The following RGS12 variants were observed in gnomAD, a reference collection of about 807,000 sequenced individuals.
RGS12 encodes regulator of G protein signaling 12.
RGS12 carries 66 observed loss-of-function variants against 120.1 expected under a neutral mutation model. The observed-to-expected ratio is 0.55, with a 90% CI of 0.45 to 0.67. The LOEUF is 0.67. RGS12 is among the 30% of genes least tolerant of loss of function. The pLI, the probability that RGS12 is intolerant of heterozygous loss-of-function variation, is 0.00. For synonymous variants in RGS12, 827 were observed against 804.7 expected (o/e 1.03, Z -0.47); for missense variants, 1,859 against 1,957.7 (o/e 0.95, Z 0.95).
chr4:3,364,565 C>T (rs1032382265), intron 3 of RGS12, among the ~76,000 whole-genome samples: 3 of 151,964 alleles, frequency 2.0e-5, no homozygotes, highest in Admixed American at 6.6e-5. Context: ...TCGTGGCCCC[C>T]GGAAACGAGG....
At chr4:3,323,092 T>A (rs969148071) in intron 2 of RGS12, among the ~76,000 whole-genome samples, 12 of 152,194 alleles carry the variant, frequency 7.9e-5, no homozygotes, top group African/African-American at 2.7e-4. Context: ...CTCAAGCCCG[T>A]GAGCAGCGCA....
intron 1 of RGS12, among the ~76,000 whole-genome samples, chr4:3,304,081 A>G (rs1448120582): frequency 1.3e-5 from 2 of 152,234 alleles, no homozygotes; most frequent in Non-Finnish European, 2.9e-5. Flanking sequence ...CATTTGCTCC[A>G]TGAGGCCGGA....
chr4:3,315,126 C>T (rs1023294928), intron 1 of RGS12, among the ~76,000 whole-genome samples: 2 of 152,166 alleles, frequency 1.3e-5, no homozygotes, highest in African/African-American at 4.8e-5. Flanking sequence ...GAGTTAAGTG[C>T]GTCCTGCGTG....
Position 3,374,969 on chromosome 4 carries a change from G to C in RGS12, c.1999-11447G>C, listed in dbSNP as rs1009585835. Among the ~76,000 whole-genome samples, 1 of 152,244 alleles carries C rather than the reference G, an allele frequency of 6.6e-6. No individual in the cohort carries two copies. The highest frequency in any genetic ancestry group is 2.4e-5 in the African/African-American group (1 of 41,458). ...GCCACGTCATGGGGGCTCAGCAGAT[G>C]CTTTGCCAAGTGAGTGGGAGCGTTC... On this transcript the variant is annotated intron_variant, in intron 3 of 17. Transcript: ENST00000336727. This position sits in a 1 kb window ranked among gnomAD's most constrained non-coding sequence, Gnocchi z 6.3.
At chr4:3,288,072 C>T (rs1388152603), upstream of RGS12, among the ~76,000 whole-genome samples, 3 of 152,250 alleles carry the variant, frequency 2.0e-5, no homozygotes, top group African/African-American at 7.2e-5. The surrounding 1 kb of genome is among the most constrained non-coding windows in gnomAD (Gnocchi z 5.2). Context: ...GGGCCCGTAC[C>T]TGCTGGCCCT....
At chr4:3,408,812 T>C (rs1422597736) in intron 4 of RGS12, among the ~76,000 whole-genome samples, 2 of 152,220 alleles carry the variant, frequency 1.3e-5, no homozygotes, top group African/African-American at 2.4e-5. Flanking sequence ...TCCAGGCTCC[T>C]GTGCTTGAGT....
intron 1 of RGS12, among the ~76,000 whole-genome samples, chr4:3,299,716 T>C (rs984150620): frequency 1.3e-5 from 2 of 152,248 alleles, no homozygotes; most frequent in African/African-American, 4.8e-5. Context: ...TTCTGGATCT[T>C]AAGTGTTAGC....
chr4:3,343,437 G>T (rs77639436), intron 3 of RGS12, among the ~76,000 whole-genome samples: 5,821 of 152,160 alleles, frequency 0.038, 149 homozygotes, highest in African/African-American at 0.075. Flanking sequence ...TGTTTCTTTT[G>T]TAAAGAACAA....
intron 10 of RGS12, among the ~76,000 whole-genome samples, chr4:3,421,666 C>G (rs1480737840): frequency 6.6e-6 from 1 of 152,250 alleles, no homozygotes; most frequent in African/African-American, 2.4e-5. Flanking sequence ...GGCCAGTTCA[C>G]CCCGTCCCAC....
intron 3 of RGS12, among the ~76,000 whole-genome samples, chr4:3,357,703 G>C (rs1284157608): frequency 2.0e-5 from 3 of 152,046 alleles, no homozygotes; most frequent in Non-Finnish European, 4.4e-5. Flanking sequence ...TGGGCTTCCT[G>C]TTCTATTCCA....
intron 17 of RGS12, among the ~76,000 whole-genome samples, chr4:3,432,823 C>G (rs1724452215): frequency 6.6e-6 from 1 of 152,192 alleles, no homozygotes; most frequent in Non-Finnish European, 1.5e-5. Context: ...TAGGAGGAGA[C>G]CCAGTGAGTG....
At chr4:3,293,931 A>G (rs1162605679) in intron 1 of RGS12, among the ~76,000 whole-genome samples, 1 of 18,784 alleles carries the variant, frequency 5.3e-5, no homozygotes, top group East Asian at 1.4e-3. Context: ...ACAGAGTCTC[A>G]TAGCCGTGCA....
chr4:3,344,445 A>C (rs1355221143), intron 3 of RGS12, among the ~76,000 whole-genome samples: 8 of 152,134 alleles, frequency 5.3e-5, no homozygotes, highest in African/African-American at 1.9e-4. Context: ...TGCTGAGCTG[A>C]CCATCTGTGC....
At chr4:3,323,214 G>C (rs780121575) in intron 2 of RGS12, among the ~76,000 whole-genome samples, 1 of 152,242 alleles carries the variant, frequency 6.6e-6, no homozygotes, top group African/African-American at 2.4e-5. Context: ...GTGCCGTGGC[G>C]CCTCGCTCGT....
In RGS12 at chr4:3,406,710, C is replaced by T. The variant is rs139388085; in HGVS notation, c.2021-7362C>T. Reference sequence around the variant, plus strand: ...GTTTCCTAACCCTTGAACCAAGACCCAGGAGATCCTCTCAGAGATGAGGCC... The same window carrying T: ...GTTTCCTAACCCTTGAACCAAGACCTAGGAGATCCTCTCAGAGATGAGGCC... On this transcript the variant is annotated intron_variant, in intron 4 of 17. Coordinates refer to ENST00000336727, the MANE Select transcript of RGS12 (RefSeq NM_001394154.1). Among the ~76,000 whole-genome samples, 90 of 152,316 alleles carry T rather than the reference C, an allele frequency of 5.9e-4. 1 individual carries two copies. The South Asian group carries it at 0.013, about 23-fold the overall frequency.
chr4:3,336,979 G>C (rs897249013), intron 2 of RGS12, among the ~76,000 whole-genome samples: 5 of 152,028 alleles, frequency 3.3e-5, no homozygotes, highest in South Asian at 4.1e-4. Flanking sequence ...CAAAGATCCA[G>C]TGTGAAACTG....
In RGS12 at chr4:3,372,426, C is replaced by A. The variant is rs1307984599; in HGVS notation, c.1999-13990C>A. On this transcript the variant is annotated intron_variant, in intron 3 of 17. Transcript: ENST00000336727. The surrounding 1 kb of genome is among the most constrained non-coding windows in gnomAD (Gnocchi z 4.3). Reference sequence around the variant, plus strand: ...CTGCAAGTGAGTGCCCAGGTGAAGGCCCTGCTGGCGCACGGCTGGACAAGC... The same window carrying A: ...CTGCAAGTGAGTGCCCAGGTGAAGGACCTGCTGGCGCACGGCTGGACAAGC... Among the ~76,000 whole-genome samples the A allele has an allele frequency of 6.6e-6, 1 of 152,238 alleles. No homozygotes were observed. Among genetic ancestry groups the A allele is most frequent in the Non-Finnish European group, 1.5e-5 (1 of 68,042 alleles).
intron 3 of RGS12, among the ~76,000 whole-genome samples, chr4:3,351,414 A>T (rs1714344560): frequency 6.6e-6 from 1 of 151,926 alleles, no homozygotes; most frequent in South Asian, 2.1e-4. Flanking sequence ...TTTTTTTTAG[A>T]ATATCGATTT....
At chr4:3,304,782 T>C (rs1367144190) in intron 1 of RGS12, among the ~76,000 whole-genome samples, 1 of 152,182 alleles carries the variant, frequency 6.6e-6, no homozygotes, top group East Asian at 1.9e-4. Context: ...TACAGCACCA[T>C]TTTGTGCTTA....
Sources: gnomAD v4.1 joint callset for allele counts (sites outside exome capture counted in the v4.1 genomes callset) on GRCh38, gnomAD v4.1.1 for gene constraint, Gnocchi (gnomAD v3.1) non-coding constraint, MANE v1.5 for transcripts, NCBI Gene and HGNC (gene_info 2026-07-23, HGNC 2026-07-21) for gene names.